Variants in LUZP1 observed in about 807,000 individuals in gnomAD.
LUZP1 encodes the protein filamin mechanobinding actin cross-linking protein.
Under a neutral mutation model 71.3 loss-of-function variants are expected in LUZP1, and 25 were observed. The ratio of observed to expected loss-of-function variants is 0.35; its 90% CI spans 0.26 to 0.49. The LOEUF (loss-of-function observed/expected upper bound fraction) is 0.49. Ranked by LOEUF, LUZP1 falls within the 20% of genes least tolerant of loss-of-function variation. The pLI is 0.99. For synonymous variants in LUZP1, 481 were observed against 506.4 expected (o/e 0.95, Z 0.67); for missense variants, 1,142 against 1,300.8 (o/e 0.88, Z 1.88).
At chr1:23,098,432 C>T (rs1449017074) in intron 3 of LUZP1, among the ~76,000 whole-genome samples, 2 of 151,868 alleles carry the variant, frequency 1.3e-5, no homozygotes, top group Non-Finnish European at 1.5e-5. Context: ...ATGTCAAAAA[C>T]GAAGGTATAA....
chr1:23,139,422 A>C (rs1397580927), intron 2 of LUZP1, among the ~76,000 whole-genome samples: 1 of 152,106 alleles, frequency 6.6e-6, no homozygotes, highest in Admixed American at 6.6e-5. Context: ...TTTGAACTGC[A>C]CAGGTCCATT....
intron 2 of LUZP1, among the ~76,000 whole-genome samples, chr1:23,117,485 CCCCCCCA>C (rs1644091379): frequency 2.9e-5 from 2 of 69,750 alleles, no homozygotes; most frequent in Admixed American, 1.3e-4. Context: ...CTCCCCCCCC[CCCCCCCA>C]CAATCAGGAA....
intron 2 of LUZP1, among the ~76,000 whole-genome samples, chr1:23,127,933 C>T (rs962678089): frequency 5.3e-5 from 8 of 152,072 alleles, no homozygotes; most frequent in Non-Finnish European, 1.0e-4. Context: ...GAGTTCGAGA[C>T]CAGCCTGACC....
At chr1:23,160,226 G>C (rs562128068) in intron 2 of LUZP1, among the ~76,000 whole-genome samples, 1 of 152,220 alleles carries the variant, frequency 6.6e-6, no homozygotes, top group South Asian at 2.1e-4. Context: ...AACACAAGAG[G>C]AAGAGTAACT....
intron 3 of LUZP1, among the ~76,000 whole-genome samples, chr1:23,096,655 A>C (rs1643893777): frequency 6.6e-6 from 1 of 152,216 alleles, no homozygotes; most frequent in Non-Finnish European, 1.5e-5. Flanking sequence ...TGCTGTAATA[A>C]AATACCTGAG....
chr1:23,171,099 A>ATATATAT (rs1553143579), intron 1 of LUZP1, among the ~76,000 whole-genome samples: 3 of 139,446 alleles, frequency 2.2e-5, no homozygotes, highest in Non-Finnish European at 3.1e-5. Flanking sequence ...AAAAAAAAAA[A>ATATATAT]ATATATATAT....
At chr1:23,174,077 G>A (rs1194045979) in intron 1 of LUZP1, among the ~76,000 whole-genome samples, 2 of 152,084 alleles carry the variant, frequency 1.3e-5, no homozygotes, top group Non-Finnish European at 2.9e-5. Context: ...CTTATTATGA[G>A]AATTGGCTCA....
At chr1:23,165,096 C>T (rs1015094084) in intron 2 of LUZP1, among the ~76,000 whole-genome samples, 2 of 152,140 alleles carry the variant, frequency 1.3e-5, no homozygotes, top group Non-Finnish European at 2.9e-5. Context: ...CCATTAAATA[C>T]CGAAGGTTTT....
At chr1:23,115,165 AAAT>A (rs1395168683) in intron 2 of LUZP1, among the ~76,000 whole-genome samples, 1 of 152,214 alleles carries the variant, frequency 6.6e-6, no homozygotes, top group East Asian at 1.9e-4. Flanking sequence ...GACTGCTGTA[AAAT>A]AATGTCTTTC....
rs192804868 is a variant in LUZP1 at position 23,175,564 on chromosome 1, G to A, written c.-485+1927C>T. Among the ~76,000 whole-genome samples, 4 of 152,224 alleles carry A rather than the reference G, an allele frequency of 2.6e-5. No homozygotes were observed. In the East Asian group the frequency reaches 5.8e-4, roughly 22 times the overall value. Reference sequence around the variant, plus strand: ...CCCTCCAGCCTGGGACTTCCTCGACGACAGGAATGATGCTTATTAATTTCT... The same window carrying A: ...CCCTCCAGCCTGGGACTTCCTCGACAACAGGAATGATGCTTATTAATTTCT... On this transcript the variant is annotated intron_variant, in intron 1 of 4. Coordinates refer to ENST00000302291, the Ensembl canonical transcript of LUZP1.
At chr1:23,157,844 C>A (rs72877273) in intron 2 of LUZP1, among the ~76,000 whole-genome samples, 25,837 of 146,006 alleles carry the variant, frequency 0.18, 2,321 homozygotes, top group East Asian at 0.27. Flanking sequence ...TTGCCCCTAC[C>A]AAAAAAAAAA....
At position 23,089,066 on chromosome 1, in the gene LUZP1, A is replaced by G. The variant is rs149454918; in HGVS notation, c.3073-13T>C. On this transcript the variant is annotated splice_polypyrimidine_tract_variant and intron_variant, in intron 4 of 4. Coordinates refer to ENST00000302291, the Ensembl canonical transcript of LUZP1. ...CCCCTTCTTCCTCCTGTGCCAATAA[A>G]TAACAAAAGTGAGCTGTGGAGGTCA... 85 of 1,612,838 alleles carry G rather than the reference A, an allele frequency of 5.3e-5. 1 individual carries two copies. The East Asian group carries it at 1.9e-3, about 36-fold the overall frequency.
At chr1:23,101,135 A>G (rs1643928382) in intron 3 of LUZP1, among the ~76,000 whole-genome samples, 1 of 152,248 alleles carries the variant, frequency 6.6e-6, no homozygotes, top group South Asian at 2.1e-4. Context: ...ACTACAGGCA[A>G]TACTAAGTAC....
chr1:23,175,533 A>C (rs1019034434), intron 1 of LUZP1, among the ~76,000 whole-genome samples: 2 of 151,830 alleles, frequency 1.3e-5, no homozygotes, highest in Non-Finnish European at 2.9e-5. Flanking sequence ...CATGCATCTT[A>C]TTTCTCCCTC....
intron 2 of LUZP1, among the ~76,000 whole-genome samples, chr1:23,132,393 G>A (rs564101884): frequency 6.6e-6 from 1 of 151,930 alleles, no homozygotes; most frequent in African/African-American, 2.4e-5. Context: ...TACCTGCAGG[G>A]CACCATATAA....
chr1:23,089,487 T>C (rs921855844), intron 4 of LUZP1, among the ~76,000 whole-genome samples: 2 of 152,202 alleles, frequency 1.3e-5, no homozygotes, highest in African/African-American at 4.8e-5. Flanking sequence ...CCTTCCCACA[T>C]ACAAACTACC....
chr1:23,138,137 A>AT (rs1315219708), intron 2 of LUZP1, among the ~76,000 whole-genome samples: 9 of 150,918 alleles, frequency 6.0e-5, no homozygotes, highest in East Asian at 1.9e-4. Context: ...CGACTGGCTA[A>AT]TTTTTTTTTG....
chr1:23,125,344 T>C (rs1644163680), intron 2 of LUZP1, among the ~76,000 whole-genome samples: 1 of 152,196 alleles, frequency 6.6e-6, no homozygotes, highest in Admixed American at 6.5e-5. Context: ...AAATTTGCCA[T>C]TGCTGATTTT....
intron 2 of LUZP1, among the ~76,000 whole-genome samples, chr1:23,123,472 AC>A (rs1644146430): frequency 6.8e-6 from 1 of 146,170 alleles, no homozygotes; most frequent in South Asian, 2.3e-4. Flanking sequence ...AGCCTGGGCA[AC>A]AGAGTGAGAC....
Sources: allele counts gnomAD v4.1 joint callset (sites outside exome capture counted in the v4.1 genomes callset), GRCh38; gene constraint gnomAD v4.1.1; transcripts MANE v1.5; gene names NCBI Gene and HGNC (gene_info 2026-07-23, HGNC 2026-07-21).